WDSUB1: variants seen among roughly 807,000 people sequenced by gnomAD.
WDSUB1 encodes WD repeat, sterile alpha motif and U-box domain containing 1.
A neutral mutation model predicts 53.9 loss-of-function variants in WDSUB1; 49 were observed. The observed-to-expected ratio is 0.91, with a 90% CI of 0.72 to 1.15. WDSUB1 has a LOEUF of 1.15. Among genes scored for constraint, WDSUB1 ranks in the 50% most tolerant of loss-of-function variants. WDSUB1 has a pLI of 0.00. For synonymous variants in WDSUB1, 194 were observed against 200.6 expected, an observed-to-expected ratio of 0.97 and a Z score of 0.28; for missense variants, 514 against 562.0, an observed-to-expected ratio of 0.91 and a Z score of 0.86.
chr2:159,264,915 C>G (rs1032762151), intron 5 of WDSUB1, among the ~76,000 whole-genome samples: 2 of 151,904 alleles, frequency 1.3e-5, no homozygotes, highest in African/African-American at 4.8e-5. Flanking sequence ...GAAACCCTGT[C>G]TCTACTAAAA....
intron 6 of WDSUB1, among the ~76,000 whole-genome samples, chr2:159,258,596 T>C (rs1232662630): frequency 1.3e-5 from 2 of 152,000 alleles, no homozygotes; most frequent in African/African-American, 4.8e-5. Context: ...GAGGCAGAGG[T>C]TGCAGTGAGC....
chr2:159,265,108 C>T (rs1175878053), intron 5 of WDSUB1, among the ~76,000 whole-genome samples: 1 of 146,914 alleles, frequency 6.8e-6, no homozygotes, highest in Non-Finnish European at 1.5e-5. Context: ...AATAAAACAA[C>T]AACAACAACA....
intron 1 of WDSUB1, among the ~76,000 whole-genome samples, chr2:159,284,676 T>C (rs894447706): frequency 6.6e-6 from 1 of 152,176 alleles, no homozygotes; most frequent in Admixed American, 6.5e-5. Flanking sequence ...TGTCAAAAAA[T>C]GAACTTAGCC....
At chr2:159,274,008 T>A (rs964921769) in intron 4 of WDSUB1, among the ~76,000 whole-genome samples, 25 of 151,998 alleles carry the variant, frequency 1.6e-4, no homozygotes, top group African/African-American at 5.6e-4. Flanking sequence ...AGATTCCCCA[T>A]GAAAATGTCA....
rs1327180212 is a variant in WDSUB1, at chr2:159,267,401, G to A, written c.770+4301C>T. Among the ~76,000 whole-genome samples the A allele has an allele frequency of 2.6e-5, 4 of 151,190 alleles. No individual in the cohort carries two copies. The East Asian group carries it at 7.8e-4, about 30-fold the overall frequency. ...CTGCAGCCTCAAACTCCTGGGCTCAGGGGATTCTCCTGCCTCAGCCTCCCA... is the reference window on the plus strand; with the variant it reads ...CTGCAGCCTCAAACTCCTGGGCTCAAGGGATTCTCCTGCCTCAGCCTCCCA... On this transcript the variant is annotated intron_variant, in intron 5 of 10. Transcript: ENST00000359774.
intron 9 of WDSUB1, among the ~76,000 whole-genome samples, chr2:159,253,591 C>T (rs1233835363): frequency 6.6e-6 from 1 of 152,220 alleles, no homozygotes; most frequent in Non-Finnish European, 1.5e-5. Flanking sequence ...TACAATTAAT[C>T]AACTTCCTCC....
intron 4 of WDSUB1, 88 bp downstream of exon 4, chr2:159,275,458 T>A: frequency 9.7e-7 from 1 of 1,026,414 alleles, no homozygotes; most frequent in South Asian, 1.6e-5. Context: ...TACTTTTAGA[T>A]ACTCAAGGTA....
chr2:159,241,839 A>G (rs2060658146), intron 10 of WDSUB1, among the ~76,000 whole-genome samples: 1 of 144,250 alleles, frequency 6.9e-6, no homozygotes, highest in East Asian at 2.2e-4. Flanking sequence ...CAGCCTCCCA[A>G]GTAGCTGGAT....
rs74589908 is a variant in WDSUB1, at chr2:159,261,262, G to A, written c.771-1419C>T. The stretch of plus-strand genomic sequence containing the variant: ...ATCTAGAGATGATTTAAAGTATATG[G>A]ATAATGTGTGTAGGTTACATGCAAA... On this transcript the variant is annotated intron_variant, in intron 5 of 10. Transcript: ENST00000359774. 5.6e-4 allele frequency among the ~76,000 whole-genome samples: 85 copies of A among 152,236 alleles called. 1 individual carries two copies. The East Asian group carries it at 0.016, about 29-fold the overall frequency.
At chr2:159,238,599 C>G (rs914713349) in intron 10 of WDSUB1, among the ~76,000 whole-genome samples, 1 of 152,174 alleles carries the variant, frequency 6.6e-6, no homozygotes, top group African/African-American at 2.4e-5. Context: ...ATTTTAAATG[C>G]TATCTTTATC....
At chr2:159,247,916 T>TATATATATATATATATATAA (rs2060848885) in intron 10 of WDSUB1, among the ~76,000 whole-genome samples, 1 of 73,504 alleles carries the variant, frequency 1.4e-5, no homozygotes, top group Admixed American at 1.7e-4. Flanking sequence ...TATAAATATA[T>TATATATATATATATATATAA]ATATATATAT....
chr2:159,261,210 C>G (rs888511643), intron 5 of WDSUB1, among the ~76,000 whole-genome samples: 1 of 151,968 alleles, frequency 6.6e-6, no homozygotes, highest in Non-Finnish European at 1.5e-5. Context: ...TTACATAGCC[C>G]TTACATTGTA....
At position 159,279,849 on chromosome 2, in the gene WDSUB1, C is replaced by T; in HGVS notation, c.495G>A (p.Val165=). 1 of 1,612,986 alleles carries T rather than the reference C, an allele frequency of 6.2e-7. No homozygotes were observed. Among genetic ancestry groups the T allele is most frequent in the Non-Finnish European group, 8.5e-7 (1 of 1,179,204 alleles). Residue 165 remains valine (V), a synonymous_variant, in exon 3 of 11, where the codon GTG becomes GTA. Coordinates refer to ENST00000359774, the MANE Select transcript of WDSUB1 (RefSeq NM_001128212.3). ...VTGSSCGDLT[V]WDDKMRCLHS... Reference sequence around the variant, plus strand: ...GCAGACACCTCATTTTATCATCCCACACTGTTAAATCACCACATGAGGAGC... The same window carrying T: ...GCAGACACCTCATTTTATCATCCCATACTGTTAAATCACCACATGAGGAGC...
intron 1 of WDSUB1, among the ~76,000 whole-genome samples, chr2:159,285,098 T>A (rs2151165310): frequency 6.6e-6 from 1 of 152,358 alleles, no homozygotes; most frequent in East Asian, 1.9e-4. Flanking sequence ...AAGGAGTAGG[T>A]ACTTTGCCAT....
chr2:159,279,874 C>A lies in WDSUB1; in HGVS notation c.470G>T (p.Gly157Val). Residue 157 changes from glycine (G) to valine (V), a missense_variant, in exon 3 of 11, where the codon GGC becomes GTC. Coordinates refer to ENST00000359774, the MANE Select transcript of WDSUB1 (RefSeq NM_001128212.3). The stretch of plus-strand genomic sequence containing the variant: ...CACTGTTAAATCACCACATGAGGAG[C>A]CAGTGACAAAGAAGCTTCCATTAGG... ...FSPNGSFFVT[G>V]SSCGDLTVWD... 1 of 1,612,234 alleles carries A rather than the reference C, an allele frequency of 6.2e-7. No homozygotes were observed.
intron 10 of WDSUB1, among the ~76,000 whole-genome samples, chr2:159,240,537 T>C (rs1175430909): frequency 1.3e-5 from 2 of 152,224 alleles, no homozygotes; most frequent in Non-Finnish European, 2.9e-5. Context: ...ATGGTTTTGA[T>C]TGGCATTAAT....
intron 2 of WDSUB1, among the ~76,000 whole-genome samples, chr2:159,280,690 C>CAAAAAAA (rs58584838): frequency 0.45 from 26,592 of 58,878 alleles, 8,102 homozygotes; most frequent in Non-Finnish European, 0.59. Flanking sequence ...GACTCCGTCT[C>CAAAAAAA]AAAAAAAAAA....
chr2:159,279,799 C>T lies in WDSUB1; in HGVS notation c.545G>A (p.Gly182Glu), dbSNP rs1046744016. The T allele has an allele frequency of 5.6e-6, 9 of 1,608,952 alleles. No individual in the cohort carries two copies. The highest frequency in any genetic ancestry group is 7.6e-6 in the Non-Finnish European group (9 of 1,176,734). ...CLHSEKAHDLGITCCDFSSQP... is the reference protein window; with the variant it reads ...CLHSEKAHDLEITCCDFSSQP... ...TGAAGAAAAATCGCAGCAGGTAATT[C>T]CAAGATCATGTGCTTTTTCACTATG... Residue 182 changes from glycine (G) to glutamate (E), a missense_variant, in exon 3 of 11, where the codon GGA becomes GAA. Coordinates refer to ENST00000359774, the MANE Select transcript of WDSUB1 (RefSeq NM_001128212.3).
At chr2:159,261,896 ATTTTTTTTTTT>A (rs869067609) in intron 5 of WDSUB1, among the ~76,000 whole-genome samples, 44 of 22,588 alleles carry the variant, frequency 1.9e-3, no homozygotes, top group South Asian at 2.6e-3. Flanking sequence ...ATATATATAT[ATTTTTTTTTTT>A]TTTTTTTTTT....
Sources: allele counts gnomAD v4.1 joint callset (sites outside exome capture counted in the v4.1 genomes callset), GRCh38; gene constraint gnomAD v4.1.1; transcripts MANE v1.5; gene names NCBI Gene and HGNC (gene_info 2026-07-23, HGNC 2026-07-21).